Variants in CCDC158 observed in about 807,000 individuals in gnomAD.
CCDC158 encodes coiled-coil domain-containing protein 158.
In CCDC158, 116 loss-of-function variants were observed where a neutral mutation model predicts 138.6. That is an observed-to-expected ratio of 0.84 (90% confidence interval 0.72 to 0.98). The LOEUF is 0.98. CCDC158 is among the 50% of genes least tolerant of loss of function. The probability of loss-of-function intolerance (pLI) is 0.00; values close to 1 mark genes in which losing one functional copy is unlikely to be tolerated. For missense variants in CCDC158, 1,265 were observed against 1,306.1 expected (o/e 0.97, Z 0.48); for synonymous variants, 436 against 442.4 (o/e 0.99, Z 0.18).
At chr4:76,371,646 T>C in intron 9 of CCDC158, 110 bp from the exon 10 acceptor site, 2 of 1,374,424 alleles carry the variant, frequency 1.5e-6, no homozygotes, top group Non-Finnish European at 2.0e-6. Flanking sequence ...AAAATAAAAG[T>C]TCGTTGTGAG....
intron 2 of CCDC158, 57 bp from the exon 3 acceptor site, chr4:76,403,337 T>C (rs547486843): frequency 2.4e-4 from 129 of 541,416 alleles, no homozygotes; most frequent in Non-Finnish European, 3.6e-4. Flanking sequence ...AAAAAGTTCA[T>C]AGAAGAACAG....
At chr4:76,399,935 A>G (rs1423315602) in intron 3 of CCDC158, among the ~76,000 whole-genome samples, 1 of 152,162 alleles carries the variant, frequency 6.6e-6, no homozygotes, top group African/African-American at 2.4e-5. Flanking sequence ...CCATTGAGCT[A>G]TGGGAGAAGG....
chr4:76,387,217 G>C (rs10000821), intron 4 of CCDC158, among the ~76,000 whole-genome samples: 15 of 152,114 alleles, frequency 9.9e-5, no homozygotes, highest in Non-Finnish European at 2.1e-4. Context: ...ACTTTGTCTT[G>C]CATGTTAGGT....
chr4:76,362,396 G>T, intron 12 of CCDC158, 81 bp from the exon 13 acceptor site: 1 of 996,944 alleles, frequency 1.0e-6, no homozygotes. Flanking sequence ...TGCTAACACA[G>T]TCCTAAAATC....
chr4:76,369,589 A>AGACTCAGCTCCTTCTCCC lies in CCDC158; in HGVS notation c.1166_1183dup (p.Arg389_Ser394dup). On this transcript the variant is annotated inframe_insertion, in exon 11 of 25. Coordinates refer to ENST00000682701, the MANE Select transcript of CCDC158 (RefSeq NM_001394954.1). ...CAGACGCTTATTCTGCTCCTTCTCC[A>AGACTCAGCTCCTTCTCCC]GACTCAGCTCCTTCTCCCTTTTGTG... 6.2e-7 allele frequency: 1 copy of AGACTCAGCTCCTTCTCCC among 1,614,142 alleles called. No homozygotes were observed. The highest frequency in any genetic ancestry group is 8.5e-7 in the Non-Finnish European group (1 of 1,180,008).
At chr4:76,368,524 A>C (rs1487771049) in intron 11 of CCDC158, among the ~76,000 whole-genome samples, 5 of 152,164 alleles carry the variant, frequency 3.3e-5, no homozygotes, top group African/African-American at 1.2e-4. Context: ...AGAAGCTTAC[A>C]CTTTTGTGGG....
At chr4:76,372,034 C>T (rs879028548) in intron 9 of CCDC158, among the ~76,000 whole-genome samples, 1 of 148,054 alleles carries the variant, frequency 6.8e-6, no homozygotes, top group Non-Finnish European at 1.5e-5. Context: ...GGAAATTAGA[C>T]AAAATGAAAT....
intron 9 of CCDC158, among the ~76,000 whole-genome samples, chr4:76,377,120 G>GA (rs1725791162): frequency 6.6e-6 from 1 of 152,058 alleles, no homozygotes; most frequent in South Asian, 2.1e-4. Flanking sequence ...CAGTATTTGT[G>GA]AAAAAATTTC....
intron 18 of CCDC158, among the ~76,000 whole-genome samples, chr4:76,334,988 C>T (rs1000686847): frequency 2.6e-5 from 4 of 152,166 alleles, no homozygotes; most frequent in Admixed American, 2.0e-4. Flanking sequence ...CTCTTCTCAA[C>T]TCCACTAATA....
chr4:76,421,220 G>A (rs1730101802), upstream of CCDC158, among the ~76,000 whole-genome samples: 2 of 152,076 alleles, frequency 1.3e-5, no homozygotes, highest in African/African-American at 2.4e-5. Context: ...TGACGGTTAG[G>A]ACGCTCTGCG....
rs559886605 is a variant in CCDC158, at chr4:76,367,003, G to A, written c.1830+291C>T. ...AGAGACGGGGTTCAAATTTAGGTCT[G>A]TCTGAAGAGGGAGAAAATACTTTCC... On this transcript the variant is annotated intron_variant, in intron 12 of 24. Transcript: ENST00000682701. Among the ~76,000 whole-genome samples, 6 of 152,252 alleles carry A rather than the reference G, an allele frequency of 3.9e-5. No individual in the cohort carries two copies. The South Asian group carries it at 1.2e-3, about 32-fold the overall frequency.
chr4:76,415,924 A>T (rs1160173287), intron 1 of CCDC158, among the ~76,000 whole-genome samples: 1 of 151,668 alleles, frequency 6.6e-6, no homozygotes, highest in African/African-American at 2.4e-5. Context: ...AGAAGACTCT[A>T]CTCCTCCACC....
chr4:76,355,797 A>ATG (rs1309308231), intron 14 of CCDC158, among the ~76,000 whole-genome samples: 1 of 35,854 alleles, frequency 2.8e-5, no homozygotes, highest in Non-Finnish European at 6.8e-5. Context: ...TAATATATGT[A>ATG]CGTGTGTGTG....
At chr4:76,400,500 A>C (rs912507363) in intron 3 of CCDC158, among the ~76,000 whole-genome samples, 6 of 151,814 alleles carry the variant, frequency 4.0e-5, no homozygotes, top group Non-Finnish European at 7.4e-5. Context: ...ACATGTATAC[A>C]TATGTAACAA....
At chr4:76,351,893 C>T in intron 16 of CCDC158, 81 bp from the exon 17 acceptor site, 3 of 802,940 alleles carry the variant, frequency 3.7e-6, no homozygotes, top group Non-Finnish European at 6.2e-6. Context: ...TGCAGAGCTG[C>T]CATCTCTTCA....
At chr4:76,340,967 T>C (rs1304599731) in intron 18 of CCDC158, among the ~76,000 whole-genome samples, 1 of 151,984 alleles carries the variant, frequency 6.6e-6, no homozygotes, top group African/African-American at 2.4e-5. Context: ...AGGGTAAAAC[T>C]TGTACAGCTT....
At chr4:76,330,080 A>G (rs1720886025) in intron 21 of CCDC158, among the ~76,000 whole-genome samples, 1 of 152,220 alleles carries the variant, frequency 6.6e-6, no homozygotes, top group Admixed American at 6.5e-5. Flanking sequence ...TTTTCTAGTC[A>G]TGAAGAAACT....
At chr4:76,373,165 T>C (rs1361122402) in intron 9 of CCDC158, among the ~76,000 whole-genome samples, 1 of 152,206 alleles carries the variant, frequency 6.6e-6, no homozygotes, top group Non-Finnish European at 1.5e-5. Flanking sequence ...GTTCTTTATG[T>C]CTAGGTTCAG....
intron 16 of CCDC158, 33 bp downstream of exon 16, chr4:76,353,090 G>A (rs764305323): frequency 1.9e-6 from 3 of 1,541,662 alleles, no homozygotes; most frequent in African/African-American, 1.4e-5. Context: ...CTATTTAGTT[G>A]ATAATTACTT....
Sources: allele counts gnomAD v4.1 joint callset (sites outside exome capture counted in the v4.1 genomes callset), GRCh38; gene constraint gnomAD v4.1.1; transcripts MANE v1.5; gene names NCBI Gene and HGNC (gene_info 2026-07-23, HGNC 2026-07-21).